ST14: variants seen among roughly 807,000 people sequenced by gnomAD.
The protein encoded by ST14 is ST14 transmembrane serine protease matriptase, also known as suppressor of tumorigenicity 14 protein.
In ST14, 40 loss-of-function variants were observed where a neutral mutation model predicts 96.5. The ratio of observed to expected loss-of-function variants is 0.41; its 90% confidence interval spans 0.32 to 0.54. The LOEUF (loss-of-function observed/expected upper bound fraction) is 0.54. Ranked by LOEUF, ST14 falls within the 20% of genes least tolerant of loss-of-function variation. ST14 has a pLI of 0.17. For missense variants in ST14, 1,066 were observed against 1,188.9 expected (o/e 0.90, Z 1.52); for synonymous variants, 506 against 492.1 (o/e 1.03, Z -0.37).
intron 1 of ST14, among the ~76,000 whole-genome samples, chr11:130,172,881 TA>T (rs1454699068): frequency 6.6e-6 from 1 of 152,160 alleles, no homozygotes; most frequent in African/African-American, 2.4e-5. Context: ...AGGATGGAGT[TA>T]TTTATGTCAA....
intron 1 of ST14, 26 bp downstream of exon 1, chr11:130,160,086 C>A (rs1285352716): frequency 2.9e-6 from 4 of 1,396,636 alleles, no homozygotes; most frequent in South Asian, 1.5e-5. Context: ...GGACCCGGGG[C>A]GCTGGGAAGC....
At chr11:130,194,063 G>T in intron 7 of ST14, 86 bp from the exon 8 acceptor site, 3 of 1,590,736 alleles carry the variant, frequency 1.9e-6, no homozygotes, top group Non-Finnish European at 1.7e-6. Flanking sequence ...GGGTCCTCAG[G>T]CACCTCTGCC....
intron 1 of ST14, among the ~76,000 whole-genome samples, chr11:130,168,344 G>A (rs1400173019): frequency 1.3e-5 from 2 of 152,154 alleles, no homozygotes; most frequent in African/African-American, 4.8e-5. Flanking sequence ...GAACCAGATG[G>A]CCAGGGTTTA....
intron 16 of ST14, among the ~76,000 whole-genome samples, chr11:130,205,530 C>T (rs189825844): frequency 6.6e-6 from 1 of 152,078 alleles, no homozygotes; most frequent in Non-Finnish European, 1.5e-5. Flanking sequence ...AGAACCATTT[C>T]CCAACTGGGG....
chr11:130,189,784 G>T lies in ST14; in HGVS notation c.486G>T (p.Pro162=), dbSNP rs1489868226. The T allele has an allele frequency of 6.2e-7, 1 of 1,613,474 alleles. No homozygotes were observed. Among genetic ancestry groups the T allele is most frequent in the Non-Finnish European group, 8.5e-7 (1 of 1,179,936 alleles). Reference sequence around the variant, plus strand: ...ACTACTGGTCTGAGTTCAGCATCCCGCAGCACCTGGTGGAGGAGGCCGAGC... The same window carrying T: ...ACTACTGGTCTGAGTTCAGCATCCCTCAGCACCTGGTGGAGGAGGCCGAGC... ...IAYYWSEFSI[P]QHLVEEAERV... Residue 162 remains proline, a synonymous_variant, in exon 5 of 19, where the codon CCG becomes CCT. Transcript: ENST00000278742.
At chr11:130,167,719 T>C (rs1953054701) in intron 1 of ST14, among the ~76,000 whole-genome samples, 1 of 146,160 alleles carries the variant, frequency 6.8e-6, no homozygotes, top group African/African-American at 2.5e-5. Context: ...GGAGTGACTA[T>C]TTTTTTTTTT....
Position 130,187,455 on chromosome 11 carries a change from G to C in ST14, c.82-659G>C, listed in dbSNP as rs1314318837. Among the ~76,000 whole-genome samples, 1 of 152,242 alleles carries C rather than the reference G, an allele frequency of 6.6e-6. No individual in the cohort carries two copies. The highest frequency in any genetic ancestry group is 1.5e-5 in the Non-Finnish European group (1 of 68,040). ...CTGCGCGTGGGTGTGGATTCCCACA[G>C]TGGGCCTCTCACTGTGCCTTGAGGT... On this transcript the variant is annotated intron_variant, in intron 1 of 18. Transcript: ENST00000278742. This position sits in a 1 kb window ranked among gnomAD's most constrained non-coding sequence, Gnocchi z 4.5.
intron 1 of ST14, among the ~76,000 whole-genome samples, chr11:130,164,068 G>C (rs1180313136): frequency 6.6e-6 from 1 of 152,172 alleles, no homozygotes; most frequent in African/African-American, 2.4e-5. Context: ...CTCCTTCTCT[G>C]GTCTGTGGTT....
chr11:130,159,960 C>T lies in ST14; in HGVS notation c.-20C>T. On this transcript the variant is annotated 5_prime_UTR_variant, in exon 1 of 19. Transcript: ENST00000278742. ...CGGCAGGGACGACGCCTGTGAGACC[C>T]GCGAGCGGCCTCGGGGACCATGGGG... The T allele has an allele frequency of 3.0e-6, 4 of 1,315,196 alleles. No homozygotes were observed. The highest frequency in any genetic ancestry group is 3.9e-6 in the Non-Finnish European group (4 of 1,020,104). 81.5% of individuals were successfully genotyped at this position (1,315,196 alleles called of 1,614,324 possible).
chr11:130,207,640 T>G (rs1222633230), intron 16 of ST14, among the ~76,000 whole-genome samples: 1 of 152,218 alleles, frequency 6.6e-6, no homozygotes, highest in Non-Finnish European at 1.5e-5. Context: ...TTCCCCCCAG[T>G]GGGGTGGGCT....
chr11:130,194,357 G>A (rs1953336823), intron 8 of ST14, 69 bp downstream of exon 8: 7 of 1,600,124 alleles, frequency 4.4e-6, no homozygotes, highest in Middle Eastern at 1.7e-4. Flanking sequence ...TAGTGGGGGT[G>A]ACCTGAGCTT....
rs111414095 is a variant in ST14 at position 130,187,839 on chromosome 11, C to A, written c.82-275C>A. 1.6e-4 allele frequency among the ~76,000 whole-genome samples: 25 copies of A among 152,262 alleles called. No individual in the cohort carries two copies. The highest frequency in any genetic ancestry group is 5.3e-4 in the African/African-American group (22 of 41,554). On this transcript the variant is annotated intron_variant, in intron 1 of 18. Transcript: ENST00000278742. This position sits in a 1 kb window ranked among gnomAD's most constrained non-coding sequence, Gnocchi z 4.5. ...TGCGTTTTAATTTAAATGAACAATTCGTAAGCAATGATCGCCTGGTGCTGT... is the reference window on the plus strand; with the variant it reads ...TGCGTTTTAATTTAAATGAACAATTAGTAAGCAATGATCGCCTGGTGCTGT...
At chr11:130,172,691 A>G (rs1258908446) in intron 1 of ST14, among the ~76,000 whole-genome samples, 2 of 152,066 alleles carry the variant, frequency 1.3e-5, no homozygotes, top group Admixed American at 6.5e-5. Flanking sequence ...TGCTGGGACT[A>G]CAGGCGTGAA....
chr11:130,200,058 C>A lies in ST14; in HGVS notation c.1915C>A (p.His639Asn), dbSNP rs1352270802. 2 of 1,614,216 alleles carry A rather than the reference C, an allele frequency of 1.2e-6. No individual in the cohort carries two copies. The highest frequency in any genetic ancestry group is 1.7e-6 in the Non-Finnish European group (2 of 1,180,034). Residue 639 changes from histidine to asparagine, a missense_variant, in exon 16 of 19, where the codon CAC (histidine) becomes AAC (asparagine). Physicochemically the swap from His to Asn is moderately conservative, Grantham distance 68. Coordinates refer to ENST00000278742, the MANE Select transcript of ST14 (RefSeq NM_021978.4). Reference sequence around the variant, plus strand: ...AAGCCTGCATGCTCTGGGCCAGGGCCACATCTGCGGTGCTTCCCTCATCTC... The same window carrying A: ...AAGCCTGCATGCTCTGGGCCAGGGCAACATCTGCGGTGCTTCCCTCATCTC... ...QVSLHALGQG[H>N]ICGASLISPN... is the part of the protein sequence containing the mutation.
chr11:130,196,523 C>CCG, intron 10 of ST14, 47 bp from the exon 11 acceptor site: 1 of 1,534,346 alleles, frequency 6.5e-7, no homozygotes, highest in Non-Finnish European at 9.0e-7. Context: ...CCCAGCCCCC[C>CCG]GGCTCCCAGC....
chr11:130,164,240 A>G (rs1953024343), intron 1 of ST14, among the ~76,000 whole-genome samples: 2 of 152,112 alleles, frequency 1.3e-5, no homozygotes, highest in South Asian at 4.1e-4. Flanking sequence ...ATAATGATGA[A>G]CACTAATAAT....
intron 1 of ST14, among the ~76,000 whole-genome samples, chr11:130,186,890 G>A (rs895128383): frequency 3.3e-4 from 51 of 152,292 alleles, no homozygotes; most frequent in African/African-American, 1.2e-3. Flanking sequence ...TTAAGTGGCC[G>A]TCTGGGGTGT....
intron 1 of ST14, among the ~76,000 whole-genome samples, chr11:130,172,454 GC>G (rs1953101307): frequency 7.9e-6 from 1 of 127,280 alleles, no homozygotes; most frequent in Non-Finnish European, 1.6e-5. Context: ...GTCTCAGTCT[GC>G]CACCCAGGCT....
intron 8 of ST14, 102 bp from the exon 9 acceptor site, chr11:130,194,538 C>A: frequency 2.4e-6 from 3 of 1,272,938 alleles, no homozygotes; most frequent in Non-Finnish European, 3.4e-6. Context: ...AGCATCCACG[C>A]GTCCAGGAGG....
Sources: allele counts gnomAD v4.1 joint callset (sites outside exome capture counted in the v4.1 genomes callset), GRCh38; gene constraint gnomAD v4.1.1; non-coding constraint Gnocchi (gnomAD v3.1); transcripts MANE v1.5; gene names NCBI Gene and HGNC (gene_info 2026-07-23, HGNC 2026-07-21).